AVEN: variants seen among roughly 807,000 people sequenced by gnomAD.
AVEN encodes apoptosis and caspase activation inhibitor.
A neutral mutation model predicts 38.1 loss-of-function variants in AVEN; 41 were observed. The ratio of observed to expected loss-of-function variants is 1.08; its 90% CI spans 0.84 to 1.40. The LOEUF (loss-of-function observed/expected upper bound fraction) is 1.40, where lower values mean the gene tolerates loss of function less well. AVEN is among the 40% of genes most tolerant of loss of function. The pLI is 0.00. For synonymous variants in AVEN, 206 were observed against 171.8 expected (o/e 1.20, Z -1.56); for missense variants, 605 against 438.8 (o/e 1.38, Z -3.38).
chr15:33,898,789 C>T (rs1892354772), intron 2 of AVEN, among the ~76,000 whole-genome samples: 1 of 152,106 alleles, frequency 6.6e-6, no homozygotes, highest in African/African-American at 2.4e-5. Flanking sequence ...TGAAACAAGA[C>T]AAAAACATGA....
chr15:33,870,785 C>CT (rs1312896945), intron 4 of AVEN, 150 bp downstream of exon 4: 3 of 499,458 alleles, frequency 6.0e-6, no homozygotes, highest in African/African-American at 6.0e-5. Flanking sequence ...TTGGATTCTC[C>CT]TTTAAACTTT....
chr15:33,917,237 AG>A (rs1567412357), intron 2 of AVEN, among the ~76,000 whole-genome samples: 3 of 152,194 alleles, frequency 2.0e-5, no homozygotes, highest in Middle Eastern at 3.4e-3. Flanking sequence ...CCAGAGGAAA[AG>A]TAATCATACA....
chr15:33,877,935 C>A (rs1891315608), intron 2 of AVEN, among the ~76,000 whole-genome samples: 1 of 152,012 alleles, frequency 6.6e-6, no homozygotes, highest in African/African-American at 2.4e-5. Context: ...GGCATCAGAG[C>A]AAGTCTCTGT....
chr15:34,022,541 C>T (rs2702283), intron 1 of AVEN, among the ~76,000 whole-genome samples: 152,247 of 152,356 alleles, frequency 1, 76,070 homozygotes, highest in Middle Eastern at 1. Flanking sequence ...ATCAGGACTA[C>T]GCAGCAGGAA....
At chr15:33,902,319 G>C (rs943774334) in intron 2 of AVEN, among the ~76,000 whole-genome samples, 1 of 146,788 alleles carries the variant, frequency 6.8e-6, no homozygotes, top group Admixed American at 6.8e-5. Flanking sequence ...TTAACAGAAT[G>C]AAAGATTTAA....
At chr15:34,024,474 A>C (rs1898354438) in intron 1 of AVEN, among the ~76,000 whole-genome samples, 1 of 16,980 alleles carries the variant, frequency 5.9e-5, no homozygotes, top group East Asian at 5.9e-3. Context: ...CCCTGTCTCA[A>C]AAAAAAAAAA....
chr15:33,870,539 G>A (rs1192509942), intron 4 of AVEN, among the ~76,000 whole-genome samples: 2 of 152,176 alleles, frequency 1.3e-5, no homozygotes, highest in Non-Finnish European at 2.9e-5. Flanking sequence ...ATTTGTATAT[G>A]TTTGTGTGAC....
At chr15:33,887,216 C>T (rs548517186) in intron 2 of AVEN, among the ~76,000 whole-genome samples, 19 of 152,164 alleles carry the variant, frequency 1.2e-4, no homozygotes, top group Admixed American at 2.6e-4. Flanking sequence ...AGCAAATACT[C>T]TCTGTGACAA....
intron 1 of AVEN, among the ~76,000 whole-genome samples, chr15:34,023,413 A>ATC (rs1301739506): frequency 6.6e-6 from 1 of 152,058 alleles, no homozygotes; most frequent in African/African-American, 2.4e-5. Context: ...TTGCGGCAGC[A>ATC]TCTCTCTTGG....
At chr15:33,943,254 A>G (rs943213060) in intron 2 of AVEN, among the ~76,000 whole-genome samples, 1 of 152,230 alleles carries the variant, frequency 6.6e-6, no homozygotes, top group Admixed American at 6.5e-5. Flanking sequence ...TATATACACT[A>G]TGGAACATTA....
chr15:34,032,044 G>T (rs934358428), intron 1 of AVEN, among the ~76,000 whole-genome samples: 1 of 104,132 alleles, frequency 9.6e-6, no homozygotes, highest in African/African-American at 2.7e-5. Context: ...CACACACAGG[G>T]CTTCTAACAA....
intron 2 of AVEN, among the ~76,000 whole-genome samples, chr15:33,990,085 T>A (rs1310153012): frequency 6.6e-6 from 1 of 151,694 alleles, no homozygotes; most frequent in African/African-American, 2.4e-5. Flanking sequence ...GCGCCTATAA[T>A]CCCAGCTACT....
downstream of AVEN, chr15:33,865,340 TAAA>T: frequency 1.6e-6 from 1 of 622,138 alleles, no homozygotes; most frequent in Non-Finnish European, 2.6e-6. Flanking sequence ...ATGCCTCCCT[TAAA>T]AAAAAAACTG....
intron 1 of AVEN, among the ~76,000 whole-genome samples, chr15:34,015,037 C>G (rs980446231): frequency 6.6e-6 from 1 of 152,064 alleles, no homozygotes; most frequent in East Asian, 1.9e-4. Context: ...AGTCCTGAAG[C>G]CTGAAAAGCT....
intron 3 of AVEN, among the ~76,000 whole-genome samples, chr15:33,872,855 C>A (rs1251845231): frequency 6.6e-6 from 1 of 151,444 alleles, no homozygotes; most frequent in Admixed American, 6.5e-5. Context: ...ACTTGTGGAT[C>A]TAAGAGACCG....
At chr15:33,912,975 C>T (rs762296108) in intron 2 of AVEN, among the ~76,000 whole-genome samples, 40 of 152,038 alleles carry the variant, frequency 2.6e-4, no homozygotes, top group Non-Finnish European at 4.9e-4. Context: ...CCACAACCTC[C>T]GCCTCCTGGG....
chr15:33,977,388 C>T (rs1249907259), intron 2 of AVEN, among the ~76,000 whole-genome samples: 4 of 152,170 alleles, frequency 2.6e-5, no homozygotes, highest in Admixed American at 6.5e-5. Flanking sequence ...CCCTTATCAT[C>T]TCCTCCTATA....
intron 2 of AVEN, among the ~76,000 whole-genome samples, chr15:33,951,878 G>A (rs1160717390): frequency 6.6e-6 from 1 of 152,186 alleles, no homozygotes; most frequent in Admixed American, 6.5e-5. Flanking sequence ...TATCTTTACT[G>A]AGAAGATGCT....
downstream of AVEN, chr15:33,864,299 A>T: frequency 1.2e-6 from 1 of 823,242 alleles, no homozygotes; most frequent in Non-Finnish European, 1.9e-6. Context: ...TAATCCCGTG[A>T]ATGCATTTTC....
Sources: gnomAD v4.1 joint callset for allele counts (sites outside exome capture counted in the v4.1 genomes callset) on GRCh38, gnomAD v4.1.1 for gene constraint, MANE v1.5 for transcripts, NCBI Gene and HGNC (gene_info 2026-07-23, HGNC 2026-07-21) for gene names.